LARP1: variants seen among roughly 807,000 people sequenced by gnomAD.
The protein encoded by LARP1 is La ribonucleoprotein 1, translational regulator.
Under a neutral mutation model 122.7 loss-of-function variants are expected in LARP1, and 36 were observed. The ratio of observed to expected loss-of-function variants is 0.29; its 90% confidence interval spans 0.22 to 0.39. The LOEUF (loss-of-function observed/expected upper bound fraction) is 0.39. LARP1 is among the 10% of genes least tolerant of loss of function. The pLI is 1.00. For missense variants in LARP1, 1,040 were observed against 1,403.6 expected (o/e 0.74, Z 4.14); for synonymous variants, 539 against 528.7 (o/e 1.02, Z -0.27).
At chr5:154,780,783 C>T (rs995960607) in intron 1 of LARP1, among the ~76,000 whole-genome samples, 3 of 152,152 alleles carry the variant, frequency 2.0e-5, no homozygotes, top group Non-Finnish European at 1.5e-5. Flanking sequence ...GTTTGTGGGC[C>T]GGCCACGGTG....
chr5:154,731,920 G>A (rs1178295490), intron 1 of LARP1, among the ~76,000 whole-genome samples: 2 of 152,000 alleles, frequency 1.3e-5, no homozygotes, highest in East Asian at 3.9e-4. Flanking sequence ...TACTCGGGAG[G>A]CTGAGGCAGG....
rs771556902 is a variant in LARP1 at position 154,756,206 on chromosome 5, C to T, written c.436+13C>T. On this transcript the variant is annotated intron_variant, in intron 1 of 18. Transcript: ENST00000518297. ...CAGTCCCCCCCAGGTGGGTCTCCCT[C>T]CTTGCCCTCCTGGGTCCGGGGGCCT... The T allele has an allele frequency of 8.0e-7, 1 of 1,254,736 alleles. No individual in the cohort carries two copies. Among genetic ancestry groups the T allele is most frequent in the South Asian group, 1.3e-5 (1 of 75,940 alleles). 77.7% of individuals were successfully genotyped at this position (1,254,736 alleles called of 1,614,324 possible).
chr5:154,808,325 G>C, intron 15 of LARP1, 134 bp from the exon 16 acceptor site: 7 of 1,034,806 alleles, frequency 6.8e-6, no homozygotes, highest in Non-Finnish European at 9.8e-6. Flanking sequence ...CTGAATGACT[G>C]AGTGGCAGAT....
At chr5:154,718,438 A>G (rs773118133) in intron 1 of LARP1, 1 of 152,252 alleles carries the variant, frequency 6.6e-6, no homozygotes, top group East Asian at 1.9e-4. Context: ...ATTCACAGGT[A>G]TGATCCCACT....
At chr5:154,688,950 C>T (rs1223628198) in intron 1 of LARP1, among the ~76,000 whole-genome samples, 1 of 152,194 alleles carries the variant, frequency 6.6e-6, no homozygotes, top group Non-Finnish European at 1.5e-5. Flanking sequence ...AAAATTTTTA[C>T]ATAAAAAATT....
intron 1 of LARP1, among the ~76,000 whole-genome samples, chr5:154,777,110 T>G (rs1219174704): frequency 6.6e-6 from 1 of 152,210 alleles, no homozygotes; most frequent in African/African-American, 2.4e-5. Flanking sequence ...TAGTATAGCC[T>G]GTTGCTCCTG....
chr5:154,809,932 C>A (rs1280533950), intron 16 of LARP1, among the ~76,000 whole-genome samples: 1 of 151,978 alleles, frequency 6.6e-6, no homozygotes, highest in Admixed American at 6.6e-5. Context: ...TGGTCTCGAT[C>A]TCCTGACCTT....
intron 1 of LARP1, among the ~76,000 whole-genome samples, chr5:154,770,358 C>G (rs764052293): frequency 6.6e-6 from 1 of 152,022 alleles, no homozygotes; most frequent in Non-Finnish European, 1.5e-5. Flanking sequence ...ATTAGTTGCA[C>G]TATCCCCTGA....
At chr5:154,805,314 G>A (rs761721172) in intron 14 of LARP1, 1 of 217,042 alleles carries the variant, frequency 4.6e-6, no homozygotes, top group Non-Finnish European at 9.2e-6. Flanking sequence ...TTCATGTTTA[G>A]CAGGCTGAGA....
intron 1 of LARP1, among the ~76,000 whole-genome samples, chr5:154,788,632 T>C (rs75146657): frequency 0.086 from 13,146 of 152,124 alleles, 628 homozygotes; most frequent in Admixed American, 0.15. Flanking sequence ...ATGTATCTTT[T>C]CCTGTGGGTT....
At chr5:154,764,373 T>C (rs1267249151) in intron 1 of LARP1, among the ~76,000 whole-genome samples, 1 of 148,204 alleles carries the variant, frequency 6.7e-6, no homozygotes, top group Non-Finnish European at 1.5e-5. Flanking sequence ...TCCCAGCACT[T>C]TGGGAGGATC....
chr5:154,694,076 A>G (rs1475083916), intron 1 of LARP1, among the ~76,000 whole-genome samples: 1 of 152,174 alleles, frequency 6.6e-6, no homozygotes, highest in African/African-American at 2.4e-5. Context: ...GAAACAGTTT[A>G]TAAGACAACT....
At chr5:154,703,840 C>T (rs565308670) in intron 1 of LARP1, among the ~76,000 whole-genome samples, 11 of 152,200 alleles carry the variant, frequency 7.2e-5, no homozygotes, top group East Asian at 5.8e-4. Flanking sequence ...AGGCTGGTCT[C>T]GAACTCCTGA....
At chr5:154,772,199 A>C (rs980346465) in intron 1 of LARP1, among the ~76,000 whole-genome samples, 1 of 151,380 alleles carries the variant, frequency 6.6e-6, no homozygotes, top group African/African-American at 2.5e-5. Flanking sequence ...AGGGGAAATC[A>C]GTTTTAATAA....
At chr5:154,685,073 G>A (rs560227066) in intron 1 of LARP1, among the ~76,000 whole-genome samples, 7 of 152,060 alleles carry the variant, frequency 4.6e-5, no homozygotes, top group Admixed American at 2.0e-4. Context: ...GTGAAACTTC[G>A]TCTCTACTGA....
chr5:154,683,147 G>C (rs1447765850), intron 1 of LARP1, among the ~76,000 whole-genome samples: 1 of 152,198 alleles, frequency 6.6e-6, no homozygotes, highest in Non-Finnish European at 1.5e-5. Context: ...GCCGCGGTGG[G>C]GGACGGGCGA....
At chr5:154,742,539 G>T (rs945451513) in intron 1 of LARP1, among the ~76,000 whole-genome samples, 3 of 151,986 alleles carry the variant, frequency 2.0e-5, no homozygotes, top group Admixed American at 2.0e-4. Context: ...TGTTGGAACA[G>T]AGGAAGACCC....
intron 18 of LARP1, 134 bp downstream of exon 18, chr5:154,811,774 T>G: frequency 9.3e-7 from 1 of 1,071,374 alleles, no homozygotes; most frequent in Non-Finnish European, 1.4e-6. Flanking sequence ...ATTTGGGCTT[T>G]GCTTTTTCAC....
At chr5:154,710,558 A>G (rs1320895987), upstream of LARP1, among the ~76,000 whole-genome samples, 2 of 152,020 alleles carry the variant, frequency 1.3e-5, no homozygotes, top group Non-Finnish European at 2.9e-5. Flanking sequence ...CCTGACCGAC[A>G]TGGTGAAACC....
Sources: allele counts gnomAD v4.1 joint callset (sites outside exome capture counted in the v4.1 genomes callset), GRCh38; gene constraint gnomAD v4.1.1; transcripts MANE v1.5; gene names NCBI Gene and HGNC (gene_info 2026-07-23, HGNC 2026-07-21).